GORASP2: variants seen among roughly 807,000 people sequenced by gnomAD.
The protein encoded by GORASP2 is Golgi reassembly-stacking protein 2.
GORASP2 carries 22 observed loss-of-function variants against 45.7 expected under a neutral mutation model. The observed-to-expected ratio is 0.48, with a 90% CI of 0.34 to 0.69. The LOEUF is 0.69. GORASP2 is among the 30% of genes least tolerant of loss of function. The pLI, the probability that GORASP2 is intolerant of heterozygous loss-of-function variation, is 0.01. For synonymous variants in GORASP2, 221 were observed against 215.6 expected (o/e 1.02, Z -0.22); for missense variants, 491 against 562.7 (o/e 0.87, Z 1.29).
At chr2:170,938,942 G>A (rs1001088242) in intron 1 of GORASP2, among the ~76,000 whole-genome samples, 7 of 152,132 alleles carry the variant, frequency 4.6e-5, no homozygotes, top group African/African-American at 1.7e-4. Flanking sequence ...GCTGTGAGCT[G>A]AGATTGCATC....
intron 7 of GORASP2, among the ~76,000 whole-genome samples, chr2:170,958,287 G>C (rs945494091): frequency 4.0e-5 from 6 of 151,802 alleles, no homozygotes; most frequent in African/African-American, 7.3e-5. Flanking sequence ...CAGCTTTATC[G>C]ATAAATAATT....
chr2:170,939,879 T>C (rs542889449), intron 1 of GORASP2, among the ~76,000 whole-genome samples: 3 of 152,208 alleles, frequency 2.0e-5, no homozygotes, highest in African/African-American at 7.2e-5. Context: ...CGCACACATA[T>C]AGTGCATGAG....
In GORASP2 at chr2:170,966,288, C is replaced by A. The variant is rs930067756; in HGVS notation, c.*158C>A. 2.5e-5 allele frequency: 16 copies of A among 637,750 alleles called. No individual in the cohort carries two copies. The highest frequency in any genetic ancestry group is 4.5e-5 in the Non-Finnish European group (16 of 358,844). 39.5% of individuals were successfully genotyped at this position (637,750 alleles called of 1,614,324 possible). A position where few individuals can be genotyped will look rare whatever the true frequency, so the allele number is the denominator to read the frequency against. ...ACTAAACGAGGACGTGGGTTGTATC[C>A]TGCCAGGTTGAGTGGGGCTCACACG... is the stretch of plus-strand genomic sequence containing the variant. On this transcript the variant is annotated 3_prime_UTR_variant, in exon 10 of 10. Transcript: ENST00000234160.
At chr2:170,942,389 C>T (rs1559309474) in intron 1 of GORASP2, among the ~76,000 whole-genome samples, 1 of 152,142 alleles carries the variant, frequency 6.6e-6, no homozygotes, top group Non-Finnish European at 1.5e-5. Flanking sequence ...CCCATTCTTC[C>T]ACCCACAACC....
At chr2:170,931,872 TCCAGAGTAA>T (rs1229222144) in intron 1 of GORASP2, among the ~76,000 whole-genome samples, 6 of 152,202 alleles carry the variant, frequency 3.9e-5, no homozygotes, top group Admixed American at 3.9e-4. Flanking sequence ...TTATCCCCAC[TCCAGAGTAA>T]CCACTGTGGA....
intron 3 of GORASP2, 196 bp downstream of exon 3, chr2:170,949,938 T>C: frequency 1.8e-6 from 1 of 570,280 alleles, no homozygotes; most frequent in Non-Finnish European, 3.1e-6. Flanking sequence ...AATGTACAAG[T>C]TTAAGAACTT....
At chr2:170,952,739 A>AATCATAG (rs1257708853) in intron 5 of GORASP2, among the ~76,000 whole-genome samples, 51 of 152,270 alleles carry the variant, frequency 3.3e-4, no homozygotes, top group Middle Eastern at 3.4e-3. Flanking sequence ...GCTGGAGCAC[A>AATCATAG]ATCATAGTTC....
rs1032855015 is a variant in GORASP2, at chr2:170,965,824, C to T, written c.1053C>T (p.Asn351=). The T allele has an allele frequency of 3.1e-6, 5 of 1,614,082 alleles. No individual in the cohort carries two copies. Among genetic ancestry groups the T allele is most frequent in the Non-Finnish European group, 4.2e-6 (5 of 1,179,998 alleles). Residue 351 remains asparagine, a synonymous_variant, in exon 10 of 10, where the codon AAC becomes AAT. Transcript: ENST00000234160. ...LPPLPSMPPR[N]LPGIAPLPLP... ...CTCTTCCTTCCATGCCTCCCCGAAA[C>T]TTACCTGGCATTGCACCTCTCCCCC...
intron 1 of GORASP2, among the ~76,000 whole-genome samples, chr2:170,935,761 A>AGAT: frequency 6.6e-6 from 1 of 152,062 alleles, no homozygotes; most frequent in East Asian, 1.9e-4. Context: ...TTTTCGGTAG[A>AGAT]GATGGGTTTT....
intron 5 of GORASP2, among the ~76,000 whole-genome samples, chr2:170,953,630 G>GT (rs1295699488): frequency 6.6e-6 from 1 of 152,206 alleles, no homozygotes; most frequent in African/African-American, 2.4e-5. Flanking sequence ...TGTGATAATT[G>GT]TATCAGTAAG....
intron 1 of GORASP2, 142 bp downstream of exon 1, chr2:170,929,545 C>T: frequency 4.2e-6 from 3 of 717,940 alleles, no homozygotes; most frequent in South Asian, 2.2e-5. Flanking sequence ...CTGCCTTGGT[C>T]GAGGCTGGTT....
chr2:170,953,022 A>C (rs113260230), intron 5 of GORASP2, among the ~76,000 whole-genome samples: 6 of 152,224 alleles, frequency 3.9e-5, no homozygotes, highest in African/African-American at 1.4e-4. Flanking sequence ...AGGAACAAAT[A>C]ATTGTGAGAT....
intron 9 of GORASP2, among the ~76,000 whole-genome samples, chr2:170,965,381 C>G (rs527573689): frequency 4.6e-4 from 70 of 152,320 alleles, no homozygotes; most frequent in Non-Finnish European, 8.2e-4. Flanking sequence ...CCTACCTCTC[C>G]CTGTTGTCTG....
At chr2:170,954,471 CATT>C in intron 5 of GORASP2, 176 bp from the exon 6 acceptor site, 1 of 579,662 alleles carries the variant, frequency 1.7e-6, no homozygotes, top group South Asian at 2.2e-5. Flanking sequence ...GCTTAGATGA[CATT>C]ATCTAAAAGA....
intron 1 of GORASP2, among the ~76,000 whole-genome samples, chr2:170,934,027 G>A (rs1316566836): frequency 6.6e-6 from 1 of 152,094 alleles, no homozygotes; most frequent in Non-Finnish European, 1.5e-5. Flanking sequence ...CTATCATATG[G>A]AACTGCTCTT....
intron 6 of GORASP2, among the ~76,000 whole-genome samples, chr2:170,955,691 G>A (rs1704408639): frequency 6.6e-6 from 1 of 152,218 alleles, no homozygotes; most frequent in Admixed American, 6.5e-5. Flanking sequence ...AGCCAATATA[G>A]TTACATGTTC....
upstream of GORASP2, chr2:170,929,184 C>T (rs1480409212): frequency 2.0e-6 from 1 of 504,728 alleles, no homozygotes; most frequent in Admixed American, 4.4e-5. Context: ...GCGGCCCGGG[C>T]TGCAGCAGAG....
chr2:170,948,587 C>G lies in GORASP2; in HGVS notation c.144+157C>G, dbSNP rs181685420. The G allele has an allele frequency of 1.1e-5, 6 of 553,366 alleles. No individual in the cohort carries two copies. The African/African-American group carries it at 1.2e-4, about 11-fold the overall frequency. 34.3% of individuals were successfully genotyped at this position (553,366 alleles called of 1,614,324 possible). On this transcript the variant is annotated intron_variant, in intron 2 of 9. Transcript: ENST00000234160. ...CATGTATTAATAAACATTGAAATAT[C>G]TATAATATTATACCTTATGCTCCAC...
intron 1 of GORASP2, among the ~76,000 whole-genome samples, chr2:170,942,797 C>T (rs1174230129): frequency 3.9e-5 from 6 of 152,152 alleles, no homozygotes; most frequent in East Asian, 1.9e-4. Context: ...TTTTCCACAG[C>T]GGCTACACCA....
Sources: gnomAD v4.1 joint callset for allele counts (sites outside exome capture counted in the v4.1 genomes callset) on GRCh38, gnomAD v4.1.1 for gene constraint, MANE v1.5 for transcripts, NCBI Gene and HGNC (gene_info 2026-07-23, HGNC 2026-07-21) for gene names.